The following HEMK2 variants were observed in gnomAD, a reference collection of about 807,000 sequenced individuals.
The protein encoded by HEMK2 is HemK methyltransferase 2, ETF1 glutamine and histone H4 lysine.
the HEMK2 span, chr21:28,873,358 CA>C: frequency 2.0e-5 from 3 of 152,168 alleles, no homozygotes; most frequent in Admixed American, 6.5e-5. Flanking sequence ...TACACACACA[CA>C]AAATGTAGTT....
At chr21:28,619,659 T>C in the HEMK2 span, among the ~76,000 whole-genome samples, 5 of 152,148 alleles carry the variant, frequency 3.3e-5, no homozygotes, top group Non-Finnish European at 5.9e-5. Context: ...TTTAAAAAAA[T>C]TGTTTGGAGA....
At chr21:28,788,134 A>G in the HEMK2 span, among the ~76,000 whole-genome samples, 1 of 150,996 alleles carries the variant, frequency 6.6e-6, no homozygotes, top group African/African-American at 2.4e-5. Context: ...ATATGTGTAT[A>G]TATGTAAATA....
the HEMK2 span, among the ~76,000 whole-genome samples, chr21:28,774,772 A>G: frequency 1.3e-5 from 2 of 152,196 alleles, no homozygotes; most frequent in African/African-American, 2.4e-5. Context: ...ATTTTTGAAT[A>G]CGTAAGTATT....
chr21:28,831,307 G>T, the HEMK2 span, among the ~76,000 whole-genome samples: 3 of 150,882 alleles, frequency 2.0e-5, no homozygotes, highest in Admixed American at 6.6e-5. Context: ...TTAGCTGGGC[G>T]TGGTAGCGGG....
chr21:28,746,044 T>C, the HEMK2 span, among the ~76,000 whole-genome samples: 1 of 152,370 alleles, frequency 6.6e-6, no homozygotes, highest in Non-Finnish European at 1.5e-5. Flanking sequence ...TTGTAACATA[T>C]TTTATTGGAT....
the HEMK2 span, among the ~76,000 whole-genome samples, chr21:28,804,708 C>T: frequency 6.6e-6 from 1 of 152,140 alleles, no homozygotes; most frequent in Non-Finnish European, 1.5e-5. Flanking sequence ...GATCATAAAC[C>T]AAAATCCTAT....
the HEMK2 span, among the ~76,000 whole-genome samples, chr21:28,834,658 G>C: frequency 6.6e-6 from 1 of 152,170 alleles, no homozygotes; most frequent in East Asian, 1.9e-4. Flanking sequence ...CAGAACTCAG[G>C]GGAGGGCACA....
the HEMK2 span, among the ~76,000 whole-genome samples, chr21:28,748,211 T>G: frequency 6.6e-6 from 1 of 152,186 alleles, no homozygotes; most frequent in Non-Finnish European, 1.5e-5. Context: ...AGTCTCAGCA[T>G]CACACAATAC....
chr21:28,704,891 C>T, the HEMK2 span, among the ~76,000 whole-genome samples: 3 of 152,334 alleles, frequency 2.0e-5, 1 homozygote, highest in South Asian at 6.2e-4. Context: ...CATGTAAAGG[C>T]AGCAAGCACT....
the HEMK2 span, chr21:28,743,076 C>T: frequency 1.3e-5 from 2 of 152,128 alleles, no homozygotes; most frequent in Admixed American, 1.3e-4. Flanking sequence ...TTCACACAAA[C>T]ACAGTCACTA....
the HEMK2 span, among the ~76,000 whole-genome samples, chr21:28,880,844 A>G: frequency 2.9e-4 from 43 of 150,658 alleles, 1 homozygote; most frequent in East Asian, 7.5e-3. Flanking sequence ...TCTAGCTTTT[A>G]TTAGCAGTAA....
the HEMK2 span, among the ~76,000 whole-genome samples, chr21:28,802,528 G>A: frequency 3.8e-4 from 58 of 152,210 alleles, no homozygotes; most frequent in African/African-American, 1.3e-3. Context: ...AGGAGTTCAA[G>A]ACCAGCCTGG....
At chr21:28,611,911 CAAAAAAA>C in the HEMK2 span, among the ~76,000 whole-genome samples, 4 of 71,940 alleles carry the variant, frequency 5.6e-5, no homozygotes, top group African/African-American at 1.4e-4. Context: ...GACACCATCT[CAAAAAAA>C]AAAAAAAAAA....
At chr21:28,813,805 T>A in the HEMK2 span, among the ~76,000 whole-genome samples, 2 of 152,188 alleles carry the variant, frequency 1.3e-5, no homozygotes, top group Admixed American at 6.5e-5. Context: ...TTGACAAACC[T>A]GACAAAAACA....
chr21:28,641,112 G>T, the HEMK2 span, among the ~76,000 whole-genome samples: 529 of 150,502 alleles, frequency 3.5e-3, 3 homozygotes, highest in Admixed American at 6.0e-3. Flanking sequence ...TTTTTCTTTT[G>T]CTGCTGTAAA....
the HEMK2 span, among the ~76,000 whole-genome samples, chr21:28,664,176 T>C: frequency 2.6e-5 from 4 of 152,176 alleles, no homozygotes; most frequent in African/African-American, 9.6e-5. Flanking sequence ...TTTGTTTGAG[T>C]ATAAGAAAAT....
the HEMK2 span, among the ~76,000 whole-genome samples, chr21:28,729,120 T>C: frequency 0.49 from 74,450 of 151,788 alleles, 20,730 homozygotes; most frequent in East Asian, 0.78. Context: ...AGTCTTTAAT[T>C]ATTTAATAAT....
the HEMK2 span, among the ~76,000 whole-genome samples, chr21:28,686,018 T>A: frequency 6.6e-6 from 1 of 152,106 alleles, no homozygotes; most frequent in Non-Finnish European, 1.5e-5. Flanking sequence ...GGGTCTAGGG[T>A]CATTCTTAGG....
chr21:28,599,169 G>A, the HEMK2 span, among the ~76,000 whole-genome samples: 1 of 152,194 alleles, frequency 6.6e-6, no homozygotes, highest in Non-Finnish European at 1.5e-5. Context: ...AGCAAATAGA[G>A]GAAAACAGTG....
Sources: gnomAD v4.1 joint callset for allele counts (sites outside exome capture counted in the v4.1 genomes callset) on GRCh38, gnomAD v4.1.1 for gene constraint, MANE v1.5 for transcripts, NCBI Gene and HGNC (gene_info 2026-07-23, HGNC 2026-07-21) for gene names.